Variants in CDK8 observed in about 807,000 individuals in gnomAD.
CDK8 encodes the protein cyclin dependent kinase 8, also known as cyclin-dependent kinase 8.
In CDK8, 29 loss-of-function variants were observed where a neutral mutation model predicts 71.5. That is an observed-to-expected ratio of 0.41 (90% confidence interval 0.30 to 0.55). The LOEUF is 0.55. Ranked by LOEUF, CDK8 falls within the 20% of genes least tolerant of loss-of-function variation. The probability of loss-of-function intolerance (pLI) is 0.37; values close to 1 mark genes in which losing one functional copy is unlikely to be tolerated. For missense variants in CDK8, 288 were observed against 572.6 expected, an observed-to-expected ratio of 0.50 and a Z score of 5.07; for synonymous variants, 161 against 192.1, an observed-to-expected ratio of 0.84 and a Z score of 1.34.
intron 4 of CDK8, among the ~76,000 whole-genome samples, chr13:26,381,177 G>A (rs1310429884): frequency 1.3e-5 from 2 of 152,204 alleles, no homozygotes; most frequent in Non-Finnish European, 2.9e-5. Context: ...CATAAACATG[G>A]AAGTTTCTTC....
At chr13:26,308,567 AG>A (rs1425453534) in intron 1 of CDK8, among the ~76,000 whole-genome samples, 1 of 152,232 alleles carries the variant, frequency 6.6e-6, no homozygotes, top group African/African-American at 2.4e-5. Flanking sequence ...AATGTACATA[AG>A]TTTTGGTCCC....
chr13:26,325,568 A>G (rs1298050453), intron 1 of CDK8, among the ~76,000 whole-genome samples: 1 of 152,196 alleles, frequency 6.6e-6, no homozygotes, highest in Admixed American at 6.5e-5. Context: ...CAAGTTCTTT[A>G]TAGGGATTTG....
intron 1 of CDK8, among the ~76,000 whole-genome samples, chr13:26,313,825 G>T (rs1447858329): frequency 6.6e-6 from 1 of 152,182 alleles, no homozygotes; most frequent in Non-Finnish European, 1.5e-5. Context: ...ACTCAGAAAG[G>T]AGGTGGTGTG....
Position 26,401,760 on chromosome 13 carries a change from G to T in CDK8, c.1269+136G>T. ...AATACATTAACATGAAATGTTACTG[G>T]CATGGAAAAGTACTGACAGTGGTAT... On this transcript the variant is annotated intron_variant, in intron 12 of 12. Transcript: ENST00000381527. This position sits in a 1 kb window ranked among gnomAD's most constrained non-coding sequence, Gnocchi z 4.5. The T allele has an allele frequency of 1.1e-6, 1 of 905,570 alleles. No homozygotes were observed. Among genetic ancestry groups the T allele is most frequent in the Non-Finnish European group, 1.7e-6 (1 of 587,680 alleles). 56.1% of individuals were successfully genotyped at this position (905,570 alleles called of 1,614,324 possible). A position where few individuals can be genotyped will look rare whatever the true frequency, so the allele number is the denominator to read the frequency against.
At position 26,302,391 on chromosome 13, in the gene CDK8, T is replaced by C. The variant is rs573243344; in HGVS notation, c.129-35176T>C. Among the ~76,000 whole-genome samples the C allele has an allele frequency of 7.5e-4, 114 of 152,376 alleles. 1 individual carries two copies. Among genetic ancestry groups the C allele is most frequent in the Non-Finnish European group, 1.3e-3 (87 of 68,042 alleles). ...TTTGAGTTTCCTATATATGAACCAA[T>C]TGATATGGATCTGGGAGCCTGGGAT... is the stretch of plus-strand genomic sequence containing the variant. On this transcript the variant is annotated intron_variant, in intron 1 of 12. Transcript: ENST00000381527.
intron 1 of CDK8, among the ~76,000 whole-genome samples, chr13:26,266,736 C>G (rs902082398): frequency 1.3e-5 from 2 of 152,154 alleles, no homozygotes; most frequent in African/African-American, 2.4e-5. Context: ...TTATTCAGAG[C>G]AAAGCAATGA....
rs1019365546 is a variant in CDK8 at position 26,313,035 on chromosome 13, T to G, written c.129-24532T>G. Among the ~76,000 whole-genome samples, 13 of 152,216 alleles carry G rather than the reference T, an allele frequency of 8.5e-5. No individual in the cohort carries two copies. In the East Asian group the frequency reaches 2.3e-3, roughly 27 times the overall value. On this transcript the variant is annotated intron_variant, in intron 1 of 12. Transcript: ENST00000381527. ...TCATTTTCTCCTGAAATCAATTACT[T>G]GCCTGTTTTTGACACATTATTTTCA... is the stretch of plus-strand genomic sequence containing the variant.
Position 26,400,579 on chromosome 13 carries a change from G to A in CDK8, c.1031+29G>A, listed in dbSNP as rs566764658. 12 of 1,330,492 alleles carry A rather than the reference G, an allele frequency of 9.0e-6. No individual in the cohort carries two copies. The South Asian group carries it at 1.1e-4, about 12-fold the overall frequency. The allele number at this position is 1,330,492 out of a possible 1,614,324, so 82.4% of individuals were successfully genotyped here. On this transcript the variant is annotated intron_variant, in intron 10 of 12. Coordinates refer to ENST00000381527, the MANE Select transcript of CDK8 (RefSeq NM_001260.3). ...AGTGGCCTAGTTGGTTAACTCATCA[G>A]CATGATGGAAGTTTTGGAGTATGCT...
chr13:26,365,735 T>C (rs1874356768), intron 4 of CDK8, among the ~76,000 whole-genome samples: 1 of 152,232 alleles, frequency 6.6e-6, no homozygotes, highest in East Asian at 1.9e-4. Context: ...AAACAAAATA[T>C]ACTATCATCC....
chr13:26,295,809 A>G (rs1216545842), intron 1 of CDK8, among the ~76,000 whole-genome samples: 1 of 152,172 alleles, frequency 6.6e-6, no homozygotes, highest in Non-Finnish European at 1.5e-5. Flanking sequence ...AATATGATCA[A>G]TCCAGTTATT....
intron 1 of CDK8, among the ~76,000 whole-genome samples, chr13:26,299,415 T>G (rs1051359815): frequency 6.6e-6 from 1 of 152,198 alleles, no homozygotes; most frequent in Non-Finnish European, 1.5e-5. Flanking sequence ...CTATATTGTA[T>G]AGCCTAGTGC....
chr13:26,400,307 C>T lies in CDK8; in HGVS notation c.934-146C>T, dbSNP rs1876194998. 5.0e-5 allele frequency: 31 copies of T among 623,900 alleles called. No homozygotes were observed. In the East Asian group the frequency reaches 8.2e-4, roughly 17 times the overall value. 38.6% of individuals were successfully genotyped at this position (623,900 alleles called of 1,614,324 possible). On this transcript the variant is annotated intron_variant, in intron 9 of 12. Transcript: ENST00000381527. ...TGAATTACTACATTAAATTTAACAA[C>T]TAGGAGTTTTGTTGTTAATTTGGGG...
intron 6 of CDK8, among the ~76,000 whole-genome samples, chr13:26,391,927 C>G (rs766675801): frequency 3.3e-5 from 5 of 152,120 alleles, no homozygotes; most frequent in Non-Finnish European, 5.9e-5. Context: ...TTTAGGAATT[C>G]TCATTTTAGG....
At chr13:26,341,915 C>A (rs2137980621) in intron 2 of CDK8, among the ~76,000 whole-genome samples, 1 of 151,992 alleles carries the variant, frequency 6.6e-6, no homozygotes, top group African/African-American at 2.4e-5. Flanking sequence ...TATCTTTAAA[C>A]CTTCTGTTTT....
intron 9 of CDK8, among the ~76,000 whole-genome samples, chr13:26,399,038 T>C (rs1288532701): frequency 1.3e-5 from 2 of 151,728 alleles, no homozygotes; most frequent in African/African-American, 2.4e-5. Flanking sequence ...GGAGACACAG[T>C]TTCATTGTGT....
intron 4 of CDK8, among the ~76,000 whole-genome samples, chr13:26,361,783 C>CTTTTT (rs1201582663): frequency 5.3e-4 from 59 of 112,194 alleles, no homozygotes; most frequent in Non-Finnish European, 8.7e-4. Context: ...TTTTCTTTTC[C>CTTTTT]CTTTTTTTTT....
chr13:26,402,422 G>C lies in CDK8; in HGVS notation c.1269+798G>C, dbSNP rs1284476062. On this transcript the variant is annotated intron_variant, in intron 12 of 12. Transcript: ENST00000381527. ...ATATTCCCAACTACACAAGGGTTCA[G>C]TGTGGGAAGGATACTGAAAATCTGA... Among the ~76,000 whole-genome samples the C allele has an allele frequency of 3.3e-5, 5 of 152,222 alleles. No homozygotes were observed. In the East Asian group the frequency reaches 9.6e-4, roughly 29 times the overall value.
chr13:26,267,677 G>A (rs115633409), intron 1 of CDK8, among the ~76,000 whole-genome samples: 159 of 152,208 alleles, frequency 1.0e-3, no homozygotes, highest in African/African-American at 3.6e-3. Flanking sequence ...TCAGTTCATC[G>A]TTTTGTTTTA....
At chr13:26,355,226 A>G (rs189075160) in intron 4 of CDK8, among the ~76,000 whole-genome samples, 33 of 152,374 alleles carry the variant, frequency 2.2e-4, no homozygotes, top group Non-Finnish European at 1.2e-4. Flanking sequence ...CCTACAAAGC[A>G]TTTAGACTAG....
Sources: allele counts gnomAD v4.1 joint callset (sites outside exome capture counted in the v4.1 genomes callset), GRCh38; gene constraint gnomAD v4.1.1; non-coding constraint Gnocchi (gnomAD v3.1); transcripts MANE v1.5; gene names NCBI Gene and HGNC (gene_info 2026-07-23, HGNC 2026-07-21).